The following GOLGA6L26 variants were observed in gnomAD, a reference collection of about 807,000 sequenced individuals.
The protein encoded by GOLGA6L26 is golgin subfamily A member 6-like protein 26.
chr15:23,334,115 G>A, the GOLGA6L26 span: 1 of 877,846 alleles, frequency 1.1e-6, no homozygotes, highest in East Asian at 2.6e-5. Flanking sequence ...GATGGGTAGG[G>A]AGGTGGGGTT....
chr15:23,327,369 T>A, the GOLGA6L26 span: 2 of 801,680 alleles, frequency 2.5e-6, no homozygotes, highest in East Asian at 5.5e-5. Context: ...TCCCTTATCT[T>A]CTCCTCCTGC....
the GOLGA6L26 span, chr15:23,327,320 CGT>C: frequency 7.5e-6 from 7 of 927,186 alleles, no homozygotes; most frequent in African/African-American, 2.7e-5. Context: ...CTCCTGCTCC[CGT>C]ATCTTCTCCT....
the GOLGA6L26 span, chr15:23,334,155 A>G: frequency 4.7e-3 from 2,411 of 510,798 alleles, 80 homozygotes; most frequent in Middle Eastern, 0.016. Flanking sequence ...CCAGGTGAGG[A>G]CAAGTATATA....
At chr15:23,328,516 CAAAT>C in the GOLGA6L26 span, among the ~76,000 whole-genome samples, 443 of 46,374 alleles carry the variant, frequency 9.6e-3, 2 homozygotes, top group African/African-American at 0.024. Context: ...GACTACTTCT[CAAAT>C]AAATAAATAA....
At chr15:23,331,733 CT>C in the GOLGA6L26 span, among the ~76,000 whole-genome samples, 1 of 48,402 alleles carries the variant, frequency 2.1e-5, no homozygotes, top group East Asian at 5.0e-4. Context: ...CTTCCGCCAG[CT>C]TGTGATTTAG....
the GOLGA6L26 span, among the ~76,000 whole-genome samples, chr15:23,328,516 CAAATAAAT>C: frequency 8.8e-4 from 41 of 46,786 alleles, no homozygotes; most frequent in African/African-American, 1.5e-3. Flanking sequence ...GACTACTTCT[CAAATAAAT>C]AAATAAATAA....
chr15:23,327,034 C>T, the GOLGA6L26 span: 1 of 291,226 alleles, frequency 3.4e-6, no homozygotes, highest in Admixed American at 8.5e-5. Flanking sequence ...GTTCTTGCAT[C>T]TTCTCTTCCT....
At chr15:23,327,592 C>T in the GOLGA6L26 span, 1 of 266,896 alleles carries the variant, frequency 3.7e-6, no homozygotes. Flanking sequence ...GTATCTTCTC[C>T]TGCTCGTGAA....
chr15:23,326,988 A>T, the GOLGA6L26 span: 398 of 243,244 alleles, frequency 1.6e-3, 1 homozygote, highest in Non-Finnish European at 1.1e-3. Flanking sequence ...TCCTGCTCCC[A>T]CATCTTCTCC....
At chr15:23,327,290 T>C in the GOLGA6L26 span, 1 of 611,832 alleles carries the variant, frequency 1.6e-6, no homozygotes, top group Non-Finnish European at 2.7e-6. Context: ...CATCATCTCC[T>C]CCTGCTCTCG....
the GOLGA6L26 span, chr15:23,327,276 C>T: frequency 4.3e-6 from 2 of 461,694 alleles, no homozygotes; most frequent in African/African-American, 9.4e-5. Context: ...TCTTCCTGTT[C>T]CTGCATCATC....
the GOLGA6L26 span, chr15:23,326,877 A>T: frequency 6.0e-6 from 1 of 166,154 alleles, no homozygotes; most frequent in Non-Finnish European, 1.2e-5. Flanking sequence ...GCTCCCCCCA[A>T]GAGCTCGGCC....
At chr15:23,327,637 C>T in the GOLGA6L26 span, 3 of 236,876 alleles carry the variant, frequency 1.3e-5, no homozygotes, top group African/African-American at 2.0e-4. Flanking sequence ...TTTTCTCCTG[C>T]TCCCGTATCT....
chr15:23,334,095 G>A, the GOLGA6L26 span: 2 of 867,898 alleles, frequency 2.3e-6, no homozygotes, highest in Non-Finnish European at 3.2e-6. Flanking sequence ...GGGATGGGTA[G>A]GGAGGTGGGG....
At chr15:23,334,179 C>G in the GOLGA6L26 span, 1 of 355,566 alleles carries the variant, frequency 2.8e-6, no homozygotes, top group East Asian at 3.8e-5. Flanking sequence ...CCAGTCACCT[C>G]TACGTCGCTG....
At chr15:23,327,344 A>T in the GOLGA6L26 span, 25 of 933,344 alleles carry the variant, frequency 2.7e-5, 6 homozygotes, top group South Asian at 3.9e-4. Flanking sequence ...CTGCTCCCGT[A>T]TCTTCTCCTC....
chr15:23,334,031 G>A, the GOLGA6L26 span: 2,432 of 359,398 alleles, frequency 6.8e-3, 59 homozygotes, highest in Middle Eastern at 0.018. Flanking sequence ...CCTTGGCCTC[G>A]GCCAATTTGC....
the GOLGA6L26 span, chr15:23,332,497 GTCACAA>G: frequency 1.6e-5 from 14 of 869,780 alleles, no homozygotes; most frequent in Admixed American, 2.4e-5. Flanking sequence ...AGGAAATGTT[GTCACAA>G]TCACTTAGTG....
chr15:23,327,341 C>CGTATCTTCTCCTCCTGCTCCT, the GOLGA6L26 span: 1 of 950,532 alleles, frequency 1.1e-6, no homozygotes, highest in Non-Finnish European at 1.5e-6. Flanking sequence ...CTCCTGCTCC[C>CGTATCTTCTCCTCCTGCTCCT]GTATCTTCTC....
Sources: allele counts gnomAD v4.1 joint callset (sites outside exome capture counted in the v4.1 genomes callset), GRCh38; gene constraint gnomAD v4.1.1; transcripts MANE v1.5; gene names NCBI Gene and HGNC (gene_info 2026-07-23, HGNC 2026-07-21).